Variants in RIT2 observed in about 807,000 individuals in gnomAD.
RIT2 encodes Ras like without CAAX 2.
In RIT2, 24 loss-of-function variants were observed where a neutral mutation model predicts 23.7. That is an observed-to-expected ratio of 1.01 (90% CI 0.73 to 1.43). The LOEUF (loss-of-function observed/expected upper bound fraction) is 1.43. Ranked by LOEUF, RIT2 falls within the 40% of genes most tolerant of loss-of-function variation. The pLI is 0.00. For missense variants in RIT2, 236 were observed against 266.9 expected, an observed-to-expected ratio of 0.88 and a Z score of 0.81; for synonymous variants, 107 against 91.1, an observed-to-expected ratio of 1.17 and a Z score of -0.99.
chr18:43,094,130 T>G (rs1913492558), intron 1 of RIT2, among the ~76,000 whole-genome samples: 1 of 132,072 alleles, frequency 7.6e-6, no homozygotes, highest in Non-Finnish European at 1.6e-5. Flanking sequence ...TTTGTTTTTT[T>G]TTTTTTTTTT....
intron 3 of RIT2, among the ~76,000 whole-genome samples, chr18:42,970,221 C>A (rs767570574): frequency 3.3e-5 from 5 of 151,512 alleles, no homozygotes; most frequent in Non-Finnish European, 5.9e-5. Context: ...TAGATGGAAA[C>A]TATAAAGAAA....
At chr18:43,068,183 T>G (rs1336685671) in intron 1 of RIT2, among the ~76,000 whole-genome samples, 2 of 152,148 alleles carry the variant, frequency 1.3e-5, no homozygotes, top group East Asian at 3.9e-4. Flanking sequence ...CTGGATTCTC[T>G]CCAAAGTTCT....
At chr18:43,073,008 G>A (rs1002541414) in intron 1 of RIT2, among the ~76,000 whole-genome samples, 5 of 152,050 alleles carry the variant, frequency 3.3e-5, no homozygotes, top group Admixed American at 3.3e-4. Context: ...ATGTTTCAAC[G>A]GATCCCATGT....
intron 4 of RIT2, among the ~76,000 whole-genome samples, chr18:42,836,241 T>A (rs1292575093): frequency 1.3e-5 from 2 of 152,162 alleles, no homozygotes; most frequent in African/African-American, 2.4e-5. Flanking sequence ...TCCTTTCTTG[T>A]CTTGGAGGTC....
chr18:42,828,494 G>C (rs1906367260), intron 4 of RIT2, among the ~76,000 whole-genome samples: 1 of 152,182 alleles, frequency 6.6e-6, no homozygotes, highest in African/African-American at 2.4e-5. Context: ...TTTTAGAATA[G>C]GTGGCATGTA....
intron 4 of RIT2, among the ~76,000 whole-genome samples, chr18:42,809,979 GTA>G (rs934026305): frequency 7.7e-5 from 11 of 141,974 alleles, no homozygotes; most frequent in Admixed American, 2.9e-4. Flanking sequence ...TATATAATTT[GTA>G]TATGTTATAT....
At chr18:42,758,855 G>A (rs186014613) in intron 4 of RIT2, among the ~76,000 whole-genome samples, 70 of 152,092 alleles carry the variant, frequency 4.6e-4, no homozygotes, top group African/African-American at 1.4e-3. Flanking sequence ...ATATTCTGAT[G>A]TTTGACTCTT....
chr18:43,012,017 ACTGT>A (rs1568055329), intron 2 of RIT2, among the ~76,000 whole-genome samples: 1 of 151,770 alleles, frequency 6.6e-6, no homozygotes, highest in South Asian at 2.1e-4. Context: ...CCATTGGGAA[ACTGT>A]CTATTTTTCC....
intron 4 of RIT2, among the ~76,000 whole-genome samples, chr18:42,896,509 T>C (rs1908334399): frequency 6.6e-6 from 1 of 152,010 alleles, no homozygotes; most frequent in Non-Finnish European, 1.5e-5. Context: ...AATGTGAGTG[T>C]GGTATTCTCT....
rs571349505 is a variant in RIT2, at chr18:42,953,603, C to T, written c.234+20471G>A. 5.3e-5 allele frequency among the ~76,000 whole-genome samples: 8 copies of T among 152,238 alleles called. No individual in the cohort carries two copies. In the South Asian group the frequency reaches 1.5e-3, roughly 28 times the overall value. ...ACAGGAACCCCTTATTTGGTTAACA[C>T]CATTTATTTCTTATGAAATCACAAA... On this transcript the variant is annotated intron_variant, in intron 3 of 4. Transcript: ENST00000326695.
intron 2 of RIT2, 140 bp from the exon 3 acceptor site, chr18:42,974,287 A>T: frequency 1.8e-6 from 1 of 561,386 alleles, no homozygotes; most frequent in Non-Finnish European, 3.2e-6. Flanking sequence ...TAGATTGAAA[A>T]ATGATGTAAC....
chr18:42,974,979 C>G (rs980563737), intron 2 of RIT2, among the ~76,000 whole-genome samples: 1 of 152,080 alleles, frequency 6.6e-6, no homozygotes, highest in Non-Finnish European at 1.5e-5. Flanking sequence ...AAGGAATCTG[C>G]AGAGTTAATG....
At chr18:42,828,784 C>T (rs1008275051) in intron 4 of RIT2, among the ~76,000 whole-genome samples, 5 of 152,176 alleles carry the variant, frequency 3.3e-5, no homozygotes, top group Admixed American at 3.3e-4. Context: ...ACTGAAAAGG[C>T]TTAGACTCAG....
intron 4 of RIT2, among the ~76,000 whole-genome samples, chr18:42,778,731 C>T (rs950058339): frequency 2.0e-5 from 3 of 152,242 alleles, no homozygotes; most frequent in Non-Finnish European, 4.4e-5. Context: ...TAGATTGAAA[C>T]ATTCCAAATG....
At chr18:42,919,347 C>A (rs1404481055) in intron 4 of RIT2, among the ~76,000 whole-genome samples, 1 of 152,058 alleles carries the variant, frequency 6.6e-6, no homozygotes, top group East Asian at 1.9e-4. Context: ...GTTTCAAGGC[C>A]TAAAGCTGAG....
At chr18:42,861,772 A>G (rs975705074) in intron 4 of RIT2, among the ~76,000 whole-genome samples, 8 of 152,118 alleles carry the variant, frequency 5.3e-5, no homozygotes, top group African/African-American at 1.4e-4. Flanking sequence ...TCTGTCCTCT[A>G]TTTTCATCAA....
At chr18:42,829,113 G>C (rs1906385617) in intron 4 of RIT2, among the ~76,000 whole-genome samples, 2 of 152,090 alleles carry the variant, frequency 1.3e-5, no homozygotes, top group South Asian at 4.1e-4. Context: ...GTGGAAATAA[G>C]TATATTACAG....
At chr18:42,890,488 T>A in intron 4 of RIT2, among the ~76,000 whole-genome samples, 1 of 130,606 alleles carries the variant, frequency 7.7e-6, no homozygotes, top group African/African-American at 2.9e-5. Flanking sequence ...AAAGAGGGAG[T>A]CAAGGAGGGA....
At chr18:42,942,454 T>A (rs1052751057) in intron 3 of RIT2, among the ~76,000 whole-genome samples, 4 of 152,164 alleles carry the variant, frequency 2.6e-5, no homozygotes, top group Non-Finnish European at 5.9e-5. Flanking sequence ...ACTGTCTTCC[T>A]CTTCCTTTAA....
Sources: gnomAD v4.1 joint callset for allele counts (sites outside exome capture counted in the v4.1 genomes callset) on GRCh38, gnomAD v4.1.1 for gene constraint, MANE v1.5 for transcripts, NCBI Gene and HGNC (gene_info 2026-07-23, HGNC 2026-07-21) for gene names.